PXDN: variants seen among roughly 807,000 people sequenced by gnomAD.
The protein encoded by PXDN is peroxidasin.
Under a neutral mutation model 140.3 loss-of-function variants are expected in PXDN, and 77 were observed. The ratio of observed to expected loss-of-function variants is 0.55; its 90% CI spans 0.46 to 0.66. PXDN has a LOEUF of 0.66. Among genes scored for constraint, PXDN ranks in the 30% least tolerant of loss-of-function variants. The pLI, the probability that PXDN is intolerant of heterozygous loss-of-function variation, is 0.00. For missense variants in PXDN, 1,838 were observed against 2,039.5 expected, an observed-to-expected ratio of 0.90 and a Z score of 1.90; for synonymous variants, 911 against 857.4, an observed-to-expected ratio of 1.06 and a Z score of -1.09.
At chr2:1,740,574 T>C (rs1389122671) in intron 1 of PXDN, among the ~76,000 whole-genome samples, 1 of 151,846 alleles carries the variant, frequency 6.6e-6, no homozygotes, top group Non-Finnish European at 1.5e-5. Flanking sequence ...GGAGGTGGGC[T>C]GGTCCACTCA....
rs148266304 is a variant in PXDN at position 1,659,985 on chromosome 2, C to T, written c.1837+896G>A. On this transcript the variant is annotated intron_variant, in intron 14 of 22. Coordinates refer to ENST00000252804, the MANE Select transcript of PXDN (RefSeq NM_012293.3). ...CAGTGGAGGCCCGGGGGAAGGCCAG[C>T]GCCTGCGGGGAGTGGGGTGATGGCC... Among the ~76,000 whole-genome samples, 49 of 152,292 alleles carry T rather than the reference C, an allele frequency of 3.2e-4. No homozygotes were observed. The East Asian group carries it at 8.7e-3, about 27-fold the overall frequency.
chr2:1,654,480 C>A lies in PXDN; in HGVS notation c.1866G>T (p.Pro622=), dbSNP rs751535853. The change falls in exon 15 of 23, where the codon CCG becomes CCT. Residue 622 remains proline (P), a synonymous_variant. Coordinates refer to ENST00000252804, the MANE Select transcript of PXDN (RefSeq NM_012293.3). ...NVPDVSRNGD[P]FVATSIVEAI... Reference sequence around the variant, plus strand: ...CTTCCACGATGGAGGTAGCTACAAACGGATCTCCATTTCGACTGACGTCAG... The same window carrying A: ...CTTCCACGATGGAGGTAGCTACAAAAGGATCTCCATTTCGACTGACGTCAG... 2 of 1,613,470 alleles carry A rather than the reference C, an allele frequency of 1.2e-6. No individual in the cohort carries two copies. Among genetic ancestry groups the A allele is most frequent in the Non-Finnish European group, 1.7e-6 (2 of 1,179,464 alleles).
intron 1 of PXDN, among the ~76,000 whole-genome samples, chr2:1,698,761 C>T (rs1405229904): frequency 2.0e-5 from 3 of 152,132 alleles, no homozygotes; most frequent in Non-Finnish European, 2.9e-5. Flanking sequence ...AGAGCAGAGC[C>T]GCTGCCTCTG....
chr2:1,690,648 C>CAAAAAAAAAAAAA (rs35970382), intron 3 of PXDN, among the ~76,000 whole-genome samples: 2 of 68,624 alleles, frequency 2.9e-5, no homozygotes, highest in African/African-American at 5.7e-5. Context: ...TTCAAAATAC[C>CAAAAAAAAAAAAA]AAAAAAAAAA....
At chr2:1,656,860 C>T (rs1485824218) in intron 14 of PXDN, among the ~76,000 whole-genome samples, 1 of 151,084 alleles carries the variant, frequency 6.6e-6, no homozygotes, top group Non-Finnish European at 1.5e-5. Context: ...GGACTTGCCC[C>T]CTCCTGACTG....
chr2:1,740,887 G>C (rs951478716), intron 1 of PXDN, among the ~76,000 whole-genome samples: 1 of 152,162 alleles, frequency 6.6e-6, no homozygotes, highest in Non-Finnish European at 1.5e-5. Context: ...GCTGCCATGC[G>C]CCTGCCTGTG....
At chr2:1,736,315 A>C (rs1319089783) in intron 1 of PXDN, among the ~76,000 whole-genome samples, 4 of 152,170 alleles carry the variant, frequency 2.6e-5, no homozygotes, top group African/African-American at 9.7e-5. Flanking sequence ...TCTTCCTTTC[A>C]CTAGTACACT....
intron 1 of PXDN, among the ~76,000 whole-genome samples, chr2:1,740,967 G>A (rs1244049249): frequency 6.6e-6 from 1 of 152,186 alleles, no homozygotes; most frequent in Admixed American, 6.5e-5. Context: ...CAATGTCAGG[G>A]TTTCTGTCAC....
rs201981401 is a variant in PXDN at position 1,683,880 on chromosome 2, GT to G, written c.489-154del. ...AATGAATCTGAAAACAAAAGAAATG[GT>G]TTTTTTTTCCTGTTTTATCAACACT... On this transcript the variant is annotated intron_variant, in intron 5 of 22. Transcript: ENST00000252804. Among the ~76,000 whole-genome samples the G allele has an allele frequency of 8.7e-3, 1,305 of 150,302 alleles. 8 individuals carry two copies. The highest frequency in any genetic ancestry group is 0.041 in the Middle Eastern group (12 of 292).
At chr2:1,742,937 T>G (rs1024411983) in intron 1 of PXDN, among the ~76,000 whole-genome samples, 2 of 152,234 alleles carry the variant, frequency 1.3e-5, no homozygotes, top group African/African-American at 4.8e-5. Context: ...TCCTGAATTG[T>G]TCACTCAATT....
intron 8 of PXDN, among the ~76,000 whole-genome samples, chr2:1,675,384 A>C (rs535407252): frequency 1.3e-4 from 20 of 152,288 alleles, no homozygotes; most frequent in Non-Finnish European, 2.6e-4. Context: ...TGTAGGTGTG[A>C]TGGACTGGGG....
chr2:1,688,339 C>T (rs1260885836), intron 3 of PXDN, among the ~76,000 whole-genome samples: 3 of 152,236 alleles, frequency 2.0e-5, no homozygotes, highest in Non-Finnish European at 4.4e-5. Context: ...CACGCCCACA[C>T]TCGCTCACTC....
intron 16 of PXDN, 61 bp downstream of exon 16, chr2:1,653,566 TG>T: frequency 6.3e-7 from 1 of 1,577,720 alleles, no homozygotes; most frequent in Non-Finnish European, 8.7e-7. Flanking sequence ...GTGACTTAAC[TG>T]AGGCGTGTTC....
chr2:1,701,329 C>A (rs145293988), intron 1 of PXDN, among the ~76,000 whole-genome samples: 53 of 152,282 alleles, frequency 3.5e-4, no homozygotes, highest in African/African-American at 1.3e-3. Flanking sequence ...CCACTGAAGT[C>A]TGTGAAGGAT....
intron 1 of PXDN, among the ~76,000 whole-genome samples, chr2:1,740,596 C>T (rs1165778144): frequency 1.3e-5 from 2 of 152,038 alleles, no homozygotes; most frequent in Non-Finnish European, 2.9e-5. Context: ...TCCAGACCAC[C>T]AAGAGTGCAG....
chr2:1,665,197 G>A, intron 10 of PXDN, 123 bp from the exon 11 acceptor site: 2 of 721,090 alleles, frequency 2.8e-6, no homozygotes, highest in East Asian at 5.4e-5. Context: ...CTACAACGAA[G>A]AGTCAGAAAG....
Position 1,714,166 on chromosome 2 carries a change from C to CT in PXDN, c.201-21033_201-21032insA, listed in dbSNP as rs1684845843. 6.6e-6 allele frequency among the ~76,000 whole-genome samples: 1 copy of CT among 152,210 alleles called. No homozygotes were observed. The highest frequency in any genetic ancestry group is 1.5e-5 in the Non-Finnish European group (1 of 68,028). On this transcript the variant is annotated intron_variant, in intron 1 of 22. Transcript: ENST00000252804. The surrounding 1 kb of genome is among the most constrained non-coding windows in gnomAD (Gnocchi z 4.3). Reference sequence around the variant, plus strand: ...TCCACATCCAGGATACTGTTTTTTTCAACTACCTCATTTATTGCTCTTACA... The same window carrying CT: ...TCCACATCCAGGATACTGTTTTTTTCTAACTACCTCATTTATTGCTCTTACA...
chr2:1,731,012 T>TG (rs1335774925), intron 1 of PXDN, among the ~76,000 whole-genome samples: 1 of 152,184 alleles, frequency 6.6e-6, no homozygotes, highest in Non-Finnish European at 1.5e-5. Context: ...GAAGCTGGGT[T>TG]GGGAGGTGGT....
chr2:1,693,204 C>G lies in PXDN; in HGVS notation c.201-70G>C, dbSNP rs1472979060. ...CAAACATCGCTACACATTTGCTGCT[C>G]TTAGTTTCAAAATGGTGACAATGCA... On this transcript the variant is annotated intron_variant, in intron 1 of 22. Transcript: ENST00000252804. 2.1e-5 allele frequency: 27 copies of G among 1,276,926 alleles called. 1 individual carries two copies. Among genetic ancestry groups the G allele is most frequent in the East Asian group, 1.5e-4 (6 of 39,222 alleles). 79.1% of individuals were successfully genotyped at this position (1,276,926 alleles called of 1,614,324 possible). A position where few individuals can be genotyped will look rare whatever the true frequency, so the allele number is the denominator to read the frequency against.
Sources: allele counts gnomAD v4.1 joint callset (sites outside exome capture counted in the v4.1 genomes callset), GRCh38; gene constraint gnomAD v4.1.1; non-coding constraint Gnocchi (gnomAD v3.1); transcripts MANE v1.5; gene names NCBI Gene and HGNC (gene_info 2026-07-23, HGNC 2026-07-21).